The following CUX2 variants were observed in gnomAD, a reference collection of about 807,000 sequenced individuals.
The protein encoded by CUX2 is cut like homeobox 2.
A neutral mutation model predicts 144.8 loss-of-function variants in CUX2; 40 were observed. The observed-to-expected ratio is 0.28, with a 90% CI of 0.21 to 0.36. CUX2 has a LOEUF of 0.36. Among genes scored for constraint, CUX2 ranks in the 10% least tolerant of loss-of-function variants. The pLI is 1.00. For synonymous variants in CUX2, 827 were observed against 875.6 expected (o/e 0.94, Z 0.98); for missense variants, 1,615 against 1,994.0 (o/e 0.81, Z 3.62).
At chr12:111,257,065 G>A (rs551975865) in intron 3 of CUX2, among the ~76,000 whole-genome samples, 84 of 152,208 alleles carry the variant, frequency 5.5e-4, no homozygotes, top group Non-Finnish European at 1.1e-3. Flanking sequence ...GTTCATCCTC[G>A]GGGGACTAAA....
In CUX2 at chr12:111,316,202, C is replaced by T. The variant is rs771326027; in HGVS notation, c.2003-3810C>T. Among the ~76,000 whole-genome samples the T allele has an allele frequency of 1.0e-3, 145 of 143,528 alleles. No homozygotes were observed. The East Asian group carries it at 0.011, about 11-fold the overall frequency. The allele number at this position is 143,528 out of a possible 152,430, so 94.2% of individuals were successfully genotyped here. On this transcript the variant is annotated intron_variant, in intron 16 of 21. Transcript: ENST00000261726. ...TGTTGCCCAGACTGGAGTGCAGTGG[C>T]GCAATCTCGGCTCACCACAACCTCC... is the stretch of plus-strand genomic sequence containing the variant.
chr12:111,337,520 A>G (rs570685607), intron 19 of CUX2, among the ~76,000 whole-genome samples: 71 of 152,220 alleles, frequency 4.7e-4, no homozygotes, highest in African/African-American at 1.3e-3. Flanking sequence ...GGCTTTTTCC[A>G]CTTTCCTGCT....
rs1430305518 is a variant in CUX2 at position 111,349,623 on chromosome 12, C to T, written c.*1298C>T. ...ATCCTCCTACCTTCCAACGCATGACCTGTTGGGGAGCAGAGACTTAACCCC... is the reference window on the plus strand; with the variant it reads ...ATCCTCCTACCTTCCAACGCATGACTTGTTGGGGAGCAGAGACTTAACCCC... On this transcript the variant is annotated 3_prime_UTR_variant, in exon 22 of 22. Coordinates refer to ENST00000261726, the MANE Select transcript of CUX2 (RefSeq NM_015267.4). 6.6e-6 allele frequency: 1 copy of T among 152,200 alleles called. No homozygotes were observed. The highest frequency in any genetic ancestry group is 1.5e-5 in the Non-Finnish European group (1 of 68,050). 9.4% of individuals were successfully genotyped at this position (152,200 alleles called of 1,614,324 possible). A position where few individuals can be genotyped will look rare whatever the true frequency, so the allele number is the denominator to read the frequency against.
At chr12:111,074,057 ACATTGTTTATCTGAAATGAAATGTGT>A (rs796535278) in intron 1 of CUX2, among the ~76,000 whole-genome samples, 3,800 of 151,996 alleles carry the variant, frequency 0.025, 182 homozygotes, top group African/African-American at 0.087. Flanking sequence ...AAAAAATCAT[ACATTGTTTATCTGAAATGAAATGTGT>A]CATTGTTTAT....
At chr12:111,104,264 T>A (rs1351784443) in intron 1 of CUX2, among the ~76,000 whole-genome samples, 1 of 152,202 alleles carries the variant, frequency 6.6e-6, no homozygotes, top group African/African-American at 2.4e-5. Flanking sequence ...CCTTTCACTC[T>A]TCCCCCCTCA....
intron 18 of CUX2, among the ~76,000 whole-genome samples, chr12:111,332,815 C>T (rs1389215810): frequency 1.3e-5 from 2 of 152,162 alleles, no homozygotes; most frequent in Admixed American, 1.3e-4. Flanking sequence ...AGAAATTTTA[C>T]AGTGGTAAAA....
At chr12:111,198,481 A>AT (rs1880378049) in intron 1 of CUX2, among the ~76,000 whole-genome samples, 1 of 151,960 alleles carries the variant, frequency 6.6e-6, no homozygotes, top group Admixed American at 6.5e-5. Flanking sequence ...TCTCAAAAAA[A>AT]AAAAAAAAAG....
At chr12:111,138,223 C>G (rs1876048622) in intron 1 of CUX2, among the ~76,000 whole-genome samples, 1 of 152,206 alleles carries the variant, frequency 6.6e-6, no homozygotes, top group Admixed American at 6.5e-5. Context: ...GAGAAGCGAT[C>G]TGGGAGTCGC....
intron 1 of CUX2, among the ~76,000 whole-genome samples, chr12:111,117,207 A>T (rs549494417): frequency 6.6e-6 from 1 of 152,350 alleles, no homozygotes; most frequent in African/African-American, 2.4e-5. Context: ...ATTATGCTGC[A>T]GTAACAAAAG....
In CUX2 at chr12:111,034,871, C is replaced by G. The variant is rs1869346994; in HGVS notation, c.63+631C>G. Among the ~76,000 whole-genome samples the G allele has an allele frequency of 6.7e-6, 1 of 149,480 alleles. No homozygotes were observed. ...CGCCGCCACCCGGGGGCCGCCGCCG[C>G]CGCCGCCAGAGCCGCCGCCGCCGGA... is the stretch of plus-strand genomic sequence containing the variant. On this transcript the variant is annotated intron_variant, in intron 1 of 21. Transcript: ENST00000261726. This position sits in a 1 kb window ranked among gnomAD's most constrained non-coding sequence, Gnocchi z 4.2.
intron 1 of CUX2, among the ~76,000 whole-genome samples, chr12:111,131,860 G>A (rs951754927): frequency 3.9e-5 from 6 of 152,090 alleles, no homozygotes; most frequent in East Asian, 1.9e-4. Context: ...ACACTCCCAC[G>A]GGCTGGCATC....
chr12:111,336,032 AG>A (rs1040441028), intron 19 of CUX2, among the ~76,000 whole-genome samples: 1 of 152,164 alleles, frequency 6.6e-6, no homozygotes, highest in African/African-American at 2.4e-5. Flanking sequence ...GGTCTGGGAT[AG>A]GACAAAGTGA....
chr12:111,138,469 G>T (rs12304247), intron 1 of CUX2, among the ~76,000 whole-genome samples: 60 of 152,182 alleles, frequency 3.9e-4, no homozygotes, highest in African/African-American at 1.4e-3. Context: ...CATGGTAAGT[G>T]GCAGGAAATG....
Position 111,295,663 on chromosome 12 carries a change from A to C in CUX2, c.637+254A>C, listed in dbSNP as rs1885938683. On this transcript the variant is annotated intron_variant, in intron 7 of 21. Coordinates refer to ENST00000261726, the MANE Select transcript of CUX2 (RefSeq NM_015267.4). The surrounding 1 kb of genome is among the most constrained non-coding windows in gnomAD (Gnocchi z 5.0). ...CCAGGCGTGGTGGCTCACATGTGTA[A>C]TCCTGGCACTTTGGGAGGCTGAAGT... is the stretch of plus-strand genomic sequence containing the variant. Among the ~76,000 whole-genome samples, 1 of 152,048 alleles carries C rather than the reference A, an allele frequency of 6.6e-6. No homozygotes were observed. The highest frequency in any genetic ancestry group is 1.5e-5 in the Non-Finnish European group (1 of 68,016).
chr12:111,238,512 G>T (rs1335050849), intron 3 of CUX2, among the ~76,000 whole-genome samples: 2 of 152,192 alleles, frequency 1.3e-5, no homozygotes, highest in South Asian at 2.1e-4. Context: ...GATGAATGAG[G>T]CACAGAGAGG....
chr12:111,092,695 G>T (rs1383884691), intron 1 of CUX2, among the ~76,000 whole-genome samples: 1 of 151,880 alleles, frequency 6.6e-6, no homozygotes, highest in Non-Finnish European at 1.5e-5. Flanking sequence ...TAATAATAAA[G>T]CTGGCAAATA....
In CUX2 at chr12:111,223,803, G is replaced by C. The variant is rs149169147; in HGVS notation, c.222+5866G>C. Among the ~76,000 whole-genome samples the C allele has an allele frequency of 6.5e-3, 983 of 152,252 alleles. 11 individuals carry two copies. Among genetic ancestry groups the C allele is most frequent in the African/African-American group, 0.022 (934 of 41,536 alleles). The stretch of plus-strand genomic sequence containing the variant: ...GGTTCATTCGCACCTCAGGGTGTCA[G>C]TGCTTGCCATGCCCTCTGCCTGAAA... On this transcript the variant is annotated intron_variant, in intron 3 of 21. Transcript: ENST00000261726.
intron 4 of CUX2, among the ~76,000 whole-genome samples, chr12:111,286,944 G>A (rs570664995): frequency 6.6e-6 from 1 of 152,280 alleles, no homozygotes; most frequent in East Asian, 1.9e-4. Context: ...GAGGCTCCAG[G>A]CCCCATGGGA....
chr12:111,301,185 C>G (rs946821421), intron 9 of CUX2, among the ~76,000 whole-genome samples: 3 of 152,160 alleles, frequency 2.0e-5, no homozygotes, highest in Non-Finnish European at 4.4e-5. Flanking sequence ...TTTTTAATCT[C>G]TGTATTTATT....
Sources: gnomAD v4.1 joint callset for allele counts (sites outside exome capture counted in the v4.1 genomes callset) on GRCh38, gnomAD v4.1.1 for gene constraint, Gnocchi (gnomAD v3.1) non-coding constraint, MANE v1.5 for transcripts, NCBI Gene and HGNC (gene_info 2026-07-23, HGNC 2026-07-21) for gene names.